TUSC3: variants seen among roughly 807,000 people sequenced by gnomAD.
The protein encoded by TUSC3 is tumor suppressor candidate 3, also known as dolichyl-diphosphooligosaccharide--protein glycosyltransferase subunit TUSC3.
A neutral mutation model predicts 44.8 loss-of-function variants in TUSC3; 45 were observed. The observed-to-expected ratio is 1.00, with a 90% CI of 0.79 to 1.29. The LOEUF is 1.29. TUSC3 is among the 50% of genes most tolerant of loss of function. The pLI, the probability that TUSC3 is intolerant of heterozygous loss-of-function variation, is 0.00. For synonymous variants in TUSC3, 212 were observed against 152.9 expected (o/e 1.39, Z -2.85); for missense variants, 519 against 437.9 (o/e 1.19, Z -1.65).
chr8:15,639,226 C>T (rs141383365), intron 2 of TUSC3, among the ~76,000 whole-genome samples: 10 of 150,488 alleles, frequency 6.6e-5, no homozygotes, highest in African/African-American at 2.0e-4. Flanking sequence ...TGCTAGATCA[C>T]GTGATGTTCA....
chr8:15,736,479 ATAAAAT>A (rs1165499405), intron 7 of TUSC3, among the ~76,000 whole-genome samples: 4 of 152,320 alleles, frequency 2.6e-5, no homozygotes, highest in Admixed American at 2.6e-4. Context: ...GTATCAAATG[ATAAAAT>A]TAAGGTAGGG....
Position 15,442,527 on chromosome 8 carries a change from C to T in TUSC3, n.91+25222C>T, listed in dbSNP as rs192340767. 2.0e-4 allele frequency among the ~76,000 whole-genome samples: 31 copies of T among 152,196 alleles called. 1 individual carries two copies. Among genetic ancestry groups the T allele is most frequent in the Non-Finnish European group, 1.5e-5 (1 of 67,980 alleles). ...CTGTTCCCAGTGGATTGTTTACTTT[C>T]TTACTAAAATACACATAAAAACATG... On this transcript the variant is annotated intron_variant and non_coding_transcript_variant, in intron 1 of 5. Transcript: ENST00000503191.
intron 1 of TUSC3, among the ~76,000 whole-genome samples, chr8:15,417,542 A>T (rs914068343): frequency 6.6e-6 from 1 of 152,246 alleles, no homozygotes; most frequent in African/African-American, 2.4e-5. Context: ...CTAAGAGGTC[A>T]TATGACGGCA....
rs192549108 is a variant in TUSC3, at chr8:15,757,902, A to C, written c.*46+47A>C. ...GAGCCTCAGTTTTCCTCATTTTTCA[A>C]ATATAGAGAGTATAACATTTATCTC... On this transcript the variant is annotated intron_variant, in intron 10 of 10. Transcript: ENST00000503731. 1.2e-5 allele frequency: 18 copies of C among 1,454,960 alleles called. No individual in the cohort carries two copies. The East Asian group carries it at 3.9e-4, about 31-fold the overall frequency. 90.1% of individuals were successfully genotyped at this position (1,454,960 alleles called of 1,614,324 possible).
intron 1 of TUSC3, among the ~76,000 whole-genome samples, chr8:15,423,965 CTTTGTTTT>C (rs1799770649): frequency 8.3e-5 from 1 of 12,034 alleles, no homozygotes; most frequent in African/African-American, 2.5e-4. Flanking sequence ...TACTGTTTTG[CTTTGTTTT>C]TTTTTTTTTT....
the TUSC3 span, among the ~76,000 whole-genome samples, chr8:15,837,246 T>C: frequency 6.6e-6 from 1 of 152,176 alleles, no homozygotes. Context: ...ACGTAACTTA[T>C]TAAGATAACT....
intron 6 of TUSC3, among the ~76,000 whole-genome samples, chr8:15,725,696 T>A (rs987420396): frequency 6.6e-6 from 1 of 152,184 alleles, no homozygotes; most frequent in Non-Finnish European, 1.5e-5. Flanking sequence ...TATTATCAAT[T>A]CACTTCTCAC....
chr8:15,827,655 A>G, the TUSC3 span, among the ~76,000 whole-genome samples: 1 of 152,178 alleles, frequency 6.6e-6, no homozygotes, highest in African/African-American at 2.4e-5. Flanking sequence ...TAATGTGTAC[A>G]TTTGATCTTT....
chr8:15,526,818 T>C (rs749952478), intron 2 of TUSC3, among the ~76,000 whole-genome samples: 13 of 152,186 alleles, frequency 8.5e-5, no homozygotes, highest in South Asian at 2.1e-4. Context: ...GTTTGAAGTC[T>C]CAGTGTTGAG....
Position 15,765,674 on chromosome 8 carries a change from C to CT in TUSC3, c.*1519dup, listed in dbSNP as rs1246569851. The stretch of plus-strand genomic sequence containing the variant: ...TATAATCATACTCCCAAATCTGTTA[C>CT]TAAAAATAACATAAATTCTCCTAGT... On this transcript the variant is annotated 3_prime_UTR_variant, in exon 11 of 11. Transcript: ENST00000503731. The CT allele has an allele frequency of 6.6e-6, 1 of 151,938 alleles. No homozygotes were observed. Among genetic ancestry groups the CT allele is most frequent in the Non-Finnish European group, 1.5e-5 (1 of 67,930 alleles). 9.4% of individuals were successfully genotyped at this position (151,938 alleles called of 1,614,324 possible). A position where few individuals can be genotyped will look rare whatever the true frequency, so the allele number is the denominator to read the frequency against.
chr8:15,546,075 GTTTA>G (rs1351188524), intron 1 of TUSC3, among the ~76,000 whole-genome samples: 2 of 151,698 alleles, frequency 1.3e-5, no homozygotes, highest in Non-Finnish European at 2.9e-5. Flanking sequence ...ATAAACAAAG[GTTTA>G]TTTGTTATAT....
At chr8:15,718,472 T>C (rs1585262872) in intron 6 of TUSC3, among the ~76,000 whole-genome samples, 2 of 152,256 alleles carry the variant, frequency 1.3e-5, no homozygotes, top group Admixed American at 1.3e-4. Flanking sequence ...TCAAATGGGA[T>C]ATCAAGTCAA....
intron 2 of TUSC3, among the ~76,000 whole-genome samples, chr8:15,515,508 A>G (rs1239589806): frequency 2.6e-5 from 4 of 151,990 alleles, no homozygotes; most frequent in African/African-American, 9.7e-5. Flanking sequence ...ACGGTAGCAA[A>G]TTTTCCTTGG....
At chr8:15,785,100 T>C in the TUSC3 span, among the ~76,000 whole-genome samples, 6 of 152,198 alleles carry the variant, frequency 3.9e-5, no homozygotes, top group East Asian at 1.2e-3. Flanking sequence ...CACTAAAGAA[T>C]GAATTTCTAA....
chr8:15,510,198 C>A (rs993290961), intron 2 of TUSC3, among the ~76,000 whole-genome samples: 4 of 151,600 alleles, frequency 2.6e-5, no homozygotes, highest in Non-Finnish European at 4.4e-5. Context: ...AAATGAAAAG[C>A]AAATTAAAGC....
At chr8:15,693,540 C>A (rs1321556689) in intron 6 of TUSC3, among the ~76,000 whole-genome samples, 4 of 137,358 alleles carry the variant, frequency 2.9e-5, no homozygotes, top group African/African-American at 8.1e-5. Context: ...TTGGGGGTTT[C>A]CTTTATAGGT....
intron 2 of TUSC3, among the ~76,000 whole-genome samples, chr8:15,533,180 C>T (rs1476299820): frequency 6.6e-6 from 1 of 152,202 alleles, no homozygotes; most frequent in Non-Finnish European, 1.5e-5. Flanking sequence ...CTTGCTCCTC[C>T]TTCTGCCATA....
chr8:15,672,616 G>T (rs1487021662), intron 5 of TUSC3, among the ~76,000 whole-genome samples: 2 of 151,996 alleles, frequency 1.3e-5, no homozygotes, highest in Non-Finnish European at 2.9e-5. Flanking sequence ...ACCAGTGGTA[G>T]GTCTTAAGAG....
chr8:15,654,117 A>G (rs1010720196), intron 3 of TUSC3, among the ~76,000 whole-genome samples: 7 of 152,196 alleles, frequency 4.6e-5, no homozygotes, highest in African/African-American at 1.2e-4. Context: ...ACTGAATTCT[A>G]TGAGTTTTTA....
Sources: gnomAD v4.1 joint callset for allele counts (sites outside exome capture counted in the v4.1 genomes callset) on GRCh38, gnomAD v4.1.1 for gene constraint, MANE v1.5 for transcripts, NCBI Gene and HGNC (gene_info 2026-07-23, HGNC 2026-07-21) for gene names.